GALNT3: variants seen among roughly 807,000 people sequenced by gnomAD.
GALNT3 encodes polypeptide N-acetylgalactosaminyltransferase 3.
In GALNT3, 51 loss-of-function variants were observed where a neutral mutation model predicts 69.8. That is an observed-to-expected ratio of 0.73 (90% CI 0.58 to 0.92). The LOEUF (loss-of-function observed/expected upper bound fraction) is 0.92, where lower values mean the gene tolerates loss of function less well. GALNT3 is among the 40% of genes least tolerant of loss of function. The pLI, the probability that GALNT3 is intolerant of heterozygous loss-of-function variation, is 0.00. For synonymous variants in GALNT3, 265 were observed against 248.5 expected, an observed-to-expected ratio of 1.07 and a Z score of -0.63; for missense variants, 711 against 760.0, an observed-to-expected ratio of 0.94 and a Z score of 0.76.
chr2:165,761,810 A>G (rs1320058756), intron 4 of GALNT3, 95 bp downstream of exon 4: 2 of 1,336,974 alleles, frequency 1.5e-6, no homozygotes, highest in African/African-American at 1.4e-5. Flanking sequence ...AGAAAATGCA[A>G]TTAGGCATTT....
chr2:165,768,800 T>G (rs1688694289), intron 2 of GALNT3, among the ~76,000 whole-genome samples: 1 of 151,288 alleles, frequency 6.6e-6, no homozygotes, highest in Non-Finnish European at 1.5e-5. Context: ...CTCTTTTTTT[T>G]TTTTTTTTTT....
chr2:165,770,277 C>T lies in GALNT3; in HGVS notation c.424G>A (p.Glu142Lys). 1 of 1,614,124 alleles carries T rather than the reference C, an allele frequency of 6.2e-7. No individual in the cohort carries two copies. The highest frequency in any genetic ancestry group is 8.5e-7 in the Non-Finnish European group (1 of 1,180,010). Residue 142 changes from glutamate (E) to lysine (K), a missense_variant, in exon 2 of 11, where the codon GAA (glutamate) becomes AAA (lysine). Transcript: ENST00000392701. ...NLSVEEQKEK[E>K]RGEAKHCFNA... ...AAGCAGTGTTTAGCTTCCCCACGTTCCTTTTCCTTTTGCTCTTCAACACTT... is the reference window on the plus strand; with the variant it reads ...AAGCAGTGTTTAGCTTCCCCACGTTTCTTTTCCTTTTGCTCTTCAACACTT...
chr2:165,758,006 A>T (rs1573998536), intron 6 of GALNT3, among the ~76,000 whole-genome samples: 1 of 152,226 alleles, frequency 6.6e-6, no homozygotes, highest in Non-Finnish European at 1.5e-5. Context: ...TTTCTTGAAC[A>T]AATGAGAAGA....
chr2:165,748,715 G>A lies in GALNT3; in HGVS notation c.*66C>T, dbSNP rs1292128463. On this transcript the variant is annotated 3_prime_UTR_variant, in exon 11 of 11. Transcript: ENST00000392701. ...TTTTGCATAATTTTCAAAAACTACAGTGTATGCCTAGTCACAGTTTTATGA... is the reference window on the plus strand; with the variant it reads ...TTTTGCATAATTTTCAAAAACTACAATGTATGCCTAGTCACAGTTTTATGA... 2.8e-6 allele frequency: 4 copies of A among 1,452,988 alleles called. No homozygotes were observed. In the African/African-American group the frequency reaches 4.2e-5, roughly 15 times the overall value. 90.0% of individuals were successfully genotyped at this position (1,452,988 alleles called of 1,614,324 possible). A position where few individuals can be genotyped will look rare whatever the true frequency, so the allele number is the denominator to read the frequency against.
chr2:165,785,603 A>G (rs1017211630), intron 1 of GALNT3, among the ~76,000 whole-genome samples: 1 of 152,234 alleles, frequency 6.6e-6, no homozygotes, highest in Non-Finnish European at 1.5e-5. Flanking sequence ...GACATTCAAT[A>G]TCTCACATTT....
At chr2:165,791,990 T>G (rs929140593) in intron 1 of GALNT3, among the ~76,000 whole-genome samples, 1 of 152,168 alleles carries the variant, frequency 6.6e-6, no homozygotes. Flanking sequence ...AAACATCTTA[T>G]GGTAAGTGAG....
chr2:165,778,984 G>A (rs1252200947), intron 1 of GALNT3, among the ~76,000 whole-genome samples: 1 of 152,162 alleles, frequency 6.6e-6, no homozygotes, highest in Admixed American at 6.5e-5. Context: ...AGTGACTTAG[G>A]TGACAGAGCA....
rs1217306395 is a variant in GALNT3 at position 165,748,404 on chromosome 2, T to C, written c.*377A>G. On this transcript the variant is annotated 3_prime_UTR_variant, in exon 11 of 11. Transcript: ENST00000392701. ...AAAAAATACAGTAACAAATCTTTCT[T>C]CCTATCCCCCCAAAAAACTAGGGGA... 3.6e-6 allele frequency: 1 copy of C among 277,264 alleles called. No homozygotes were observed. The highest frequency in any genetic ancestry group is 6.9e-6 in the Non-Finnish European group (1 of 145,424). The allele number at this position is 277,264 out of a possible 1,614,324, so 17.2% of individuals were successfully genotyped here. A position where few individuals can be genotyped will look rare whatever the true frequency, so the allele number is the denominator to read the frequency against.
At chr2:165,793,075 A>G (rs915533767) in intron 1 of GALNT3, among the ~76,000 whole-genome samples, 2 of 152,172 alleles carry the variant, frequency 1.3e-5, no homozygotes, top group African/African-American at 4.8e-5. Flanking sequence ...ATGAGTTGGA[A>G]AGAGAAGGAA....
intron 10 of GALNT3, 147 bp downstream of exon 10, chr2:165,749,595 T>G (rs1431266236): frequency 5.1e-6 from 4 of 779,502 alleles, no homozygotes; most frequent in Non-Finnish European, 8.6e-6. Flanking sequence ...TCTTATCACA[T>G]GGGTAGAAAC....
Position 165,748,637 on chromosome 2 carries a change from A to T in GALNT3, c.*144T>A. On this transcript the variant is annotated 3_prime_UTR_variant, in exon 11 of 11. Transcript: ENST00000392701. The stretch of plus-strand genomic sequence containing the variant: ...CTTGCAGAATTTCTGTAGTAGTGCT[A>T]CATAAAGATATAAATAAGAAAAATG... 1 of 715,944 alleles carries T rather than the reference A, an allele frequency of 1.4e-6. No individual in the cohort carries two copies. The highest frequency in any genetic ancestry group is 1.8e-5 in the African/African-American group (1 of 56,394). 44.3% of individuals were successfully genotyped at this position (715,944 alleles called of 1,614,324 possible).
chr2:165,751,360 C>T (rs527363576), intron 9 of GALNT3, among the ~76,000 whole-genome samples: 3 of 151,940 alleles, frequency 2.0e-5, no homozygotes, highest in South Asian at 2.1e-4. Flanking sequence ...AATTTATCTC[C>T]GCCCACAAGC....
chr2:165,777,562 C>T (rs913157461), intron 1 of GALNT3, among the ~76,000 whole-genome samples: 2 of 152,088 alleles, frequency 1.3e-5, no homozygotes, highest in African/African-American at 4.8e-5. Flanking sequence ...GTCATTTCTG[C>T]TTGCATTTAT....
intron 1 of GALNT3, among the ~76,000 whole-genome samples, chr2:165,791,255 CTGTGTGTG>C (rs71913828): frequency 1.4e-5 from 2 of 147,350 alleles, no homozygotes; most frequent in African/African-American, 5.0e-5. Context: ...GGGTGTGTGC[CTGTGTGTG>C]TGTGTGTGTG....
chr2:165,783,639 A>G (rs1683160589), intron 1 of GALNT3, among the ~76,000 whole-genome samples: 1 of 152,166 alleles, frequency 6.6e-6, no homozygotes, highest in Non-Finnish European at 1.5e-5. Context: ...ATTCTGTTGT[A>G]GTACAAAAAA....
chr2:165,785,066 A>T (rs1158663422), intron 1 of GALNT3, among the ~76,000 whole-genome samples: 3 of 152,204 alleles, frequency 2.0e-5, no homozygotes, highest in Admixed American at 2.0e-4. Flanking sequence ...TAGTCTCTAT[A>T]AAAGCATCAA....
chr2:165,770,920 T>G (rs1369644921), intron 1 of GALNT3, 112 bp from the exon 2 acceptor site: 4 of 423,474 alleles, frequency 9.4e-6, no homozygotes, highest in Non-Finnish European at 1.3e-5. Context: ...CTCTTATGGT[T>G]AATGAGAATA....
chr2:165,757,649 T>A (rs1263257135), intron 6 of GALNT3, among the ~76,000 whole-genome samples: 1 of 152,226 alleles, frequency 6.6e-6, no homozygotes, highest in Non-Finnish European at 1.5e-5. Context: ...CTTCAAAGTT[T>A]GGATATAAGT....
intron 2 of GALNT3, among the ~76,000 whole-genome samples, chr2:165,769,374 C>G (rs1236294814): frequency 6.8e-6 from 1 of 147,076 alleles, no homozygotes; most frequent in Non-Finnish European, 1.5e-5. Context: ...CTACTGCACT[C>G]CAGCCTCAGT....
Sources: allele counts gnomAD v4.1 joint callset (sites outside exome capture counted in the v4.1 genomes callset), GRCh38; gene constraint gnomAD v4.1.1; transcripts MANE v1.5; gene names NCBI Gene and HGNC (gene_info 2026-07-23, HGNC 2026-07-21).